Variants in DOK6 observed in about 807,000 individuals in gnomAD.
DOK6 encodes docking protein 6.
A neutral mutation model predicts 44.0 loss-of-function variants in DOK6; 22 were observed. The observed-to-expected ratio is 0.50, with a 90% confidence interval of 0.36 to 0.71. DOK6 has a LOEUF of 0.71. Ranked by LOEUF, DOK6 falls within the 30% of genes least tolerant of loss-of-function variation. DOK6 has a pLI of 0.00. For missense variants in DOK6, 340 were observed against 416.4 expected (o/e 0.82, Z 1.60); for synonymous variants, 166 against 145.5 (o/e 1.14, Z -1.01).
At chr18:69,633,338 C>T (rs1185876520) in intron 3 of DOK6, among the ~76,000 whole-genome samples, 1 of 152,166 alleles carries the variant, frequency 6.6e-6, no homozygotes, top group Non-Finnish European at 1.5e-5. Flanking sequence ...GAAGCTCATA[C>T]ATCTCATTAG....
At chr18:69,561,041 C>T (rs12960357) in intron 1 of DOK6, among the ~76,000 whole-genome samples, 28,324 of 152,106 alleles carry the variant, frequency 0.19, 3,066 homozygotes, top group Middle Eastern at 0.35. Flanking sequence ...AAAAGTGTCC[C>T]TTCATATGGC....
At chr18:69,482,778 A>C (rs1181554040) in intron 1 of DOK6, among the ~76,000 whole-genome samples, 2 of 151,956 alleles carry the variant, frequency 1.3e-5, no homozygotes, top group African/African-American at 4.8e-5. Context: ...CTATATGAAA[A>C]AGGATGAAAT....
chr18:69,410,270 A>G (rs1182550610), intron 1 of DOK6, among the ~76,000 whole-genome samples: 1 of 152,274 alleles, frequency 6.6e-6, no homozygotes, highest in Non-Finnish European at 1.5e-5. Flanking sequence ...AGTGACCTGC[A>G]GAACTTGATC....
chr18:69,647,051 TGTCTATCCTATCTGTCTATCCC>T (rs1286763004), intron 3 of DOK6, among the ~76,000 whole-genome samples: 15 of 87,934 alleles, frequency 1.7e-4, no homozygotes, highest in African/African-American at 5.8e-4. Context: ...CCTGTCTATC[TGTCTATCCTATCTGTCTATCCC>T]ATCTGTCTAT....
chr18:69,701,152 C>T (rs1292998136), intron 5 of DOK6, among the ~76,000 whole-genome samples: 1 of 152,196 alleles, frequency 6.6e-6, no homozygotes, highest in African/African-American at 2.4e-5. Context: ...TCTGGAGAAG[C>T]ATCCTTCAGT....
At chr18:69,711,603 T>C (rs1176683917) in intron 5 of DOK6, among the ~76,000 whole-genome samples, 1 of 152,212 alleles carries the variant, frequency 6.6e-6, no homozygotes, top group African/African-American at 2.4e-5. Context: ...CTCCTTGAAA[T>C]TCTGAACAAT....
intron 7 of DOK6, among the ~76,000 whole-genome samples, chr18:69,761,318 C>T (rs1979545369): frequency 6.6e-6 from 1 of 152,076 alleles, no homozygotes; most frequent in Admixed American, 6.6e-5. Flanking sequence ...GGCTGCCTTT[C>T]CCTGGGGCCG....
At chr18:69,435,664 T>G (rs1202207502) in intron 1 of DOK6, among the ~76,000 whole-genome samples, 1 of 152,248 alleles carries the variant, frequency 6.6e-6, no homozygotes, top group African/African-American at 2.4e-5. Flanking sequence ...AATATCATTT[T>G]TCACCTTAAT....
chr18:69,718,043 A>T (rs540563317), intron 5 of DOK6, among the ~76,000 whole-genome samples: 4 of 152,326 alleles, frequency 2.6e-5, no homozygotes, highest in Middle Eastern at 3.4e-3. Flanking sequence ...TTTTAATATA[A>T]GTTAGAAAGT....
At chr18:69,651,515 G>A (rs971048457) in intron 3 of DOK6, among the ~76,000 whole-genome samples, 2 of 126,736 alleles carry the variant, frequency 1.6e-5, no homozygotes, top group Admixed American at 9.2e-5. Flanking sequence ...TTAAGACAGA[G>A]TCTTGCCTTG....
intron 6 of DOK6, among the ~76,000 whole-genome samples, chr18:69,757,193 T>C (rs1979382923): frequency 6.6e-6 from 1 of 152,186 alleles, no homozygotes; most frequent in Non-Finnish European, 1.5e-5. Context: ...CAAGATTCTA[T>C]AACAGGGGCA....
intron 1 of DOK6, among the ~76,000 whole-genome samples, chr18:69,487,517 T>C (rs1166212020): frequency 2.0e-5 from 3 of 152,138 alleles, no homozygotes; most frequent in African/African-American, 7.2e-5. Context: ...GGATTATCCT[T>C]TTATTATTTT....
chr18:69,712,523 C>G (rs1441958342), intron 5 of DOK6, among the ~76,000 whole-genome samples: 1 of 151,986 alleles, frequency 6.6e-6, no homozygotes, highest in African/African-American at 2.4e-5. Context: ...CCACCAAACT[C>G]TCTGGGCATG....
At chr18:69,785,217 T>C (rs1980394906) in intron 7 of DOK6, among the ~76,000 whole-genome samples, 1 of 152,244 alleles carries the variant, frequency 6.6e-6, no homozygotes. Flanking sequence ...TGTTTGGAGC[T>C]GGACACTAAA....
chr18:69,664,083 G>A (rs1303768490), intron 3 of DOK6, among the ~76,000 whole-genome samples: 1 of 152,066 alleles, frequency 6.6e-6, no homozygotes, highest in Non-Finnish European at 1.5e-5. Flanking sequence ...AGAAAACAAA[G>A]GTTGAAATTT....
At chr18:69,575,296 G>A (rs1735121387) in intron 2 of DOK6, among the ~76,000 whole-genome samples, 1 of 151,944 alleles carries the variant, frequency 6.6e-6, no homozygotes, top group Admixed American at 6.6e-5. Context: ...ATGGTATGAG[G>A]CATCTATGGT....
chr18:69,835,326 A>G (rs368866045), intron 7 of DOK6, among the ~76,000 whole-genome samples: 27 of 152,046 alleles, frequency 1.8e-4, no homozygotes, highest in East Asian at 9.6e-4. Flanking sequence ...TTAGTTGGGT[A>G]TGGTGGTGGG....
In DOK6 at chr18:69,843,883, A is replaced by C. The variant is rs990473196; in HGVS notation, c.*2500A>C. The C allele has an allele frequency of 1.3e-5, 2 of 152,204 alleles. No homozygotes were observed. The highest frequency in any genetic ancestry group is 2.9e-5 in the Non-Finnish European group (2 of 68,032). 9.4% of individuals were successfully genotyped at this position (152,204 alleles called of 1,614,324 possible). A position where few individuals can be genotyped will look rare whatever the true frequency, so the allele number is the denominator to read the frequency against. On this transcript the variant is annotated 3_prime_UTR_variant, in exon 8 of 8. Transcript: ENST00000382713. Reference sequence around the variant, plus strand: ...AGCTTAATTCTAGCATACTCCTCCAAGTACACTCACAATTGTAGCTGAGTC... The same window carrying C: ...AGCTTAATTCTAGCATACTCCTCCACGTACACTCACAATTGTAGCTGAGTC...
intron 7 of DOK6, among the ~76,000 whole-genome samples, chr18:69,810,568 C>T (rs1051725475): frequency 6.6e-6 from 1 of 151,912 alleles, no homozygotes; most frequent in Non-Finnish European, 1.5e-5. Context: ...AACCATCCAT[C>T]TGATAAGGAG....
Sources: allele counts gnomAD v4.1 joint callset (sites outside exome capture counted in the v4.1 genomes callset), GRCh38; gene constraint gnomAD v4.1.1; transcripts MANE v1.5; gene names NCBI Gene and HGNC (gene_info 2026-07-23, HGNC 2026-07-21).